DAB1: variants seen among roughly 807,000 people sequenced by gnomAD.
DAB1 encodes DAB adaptor protein 1.
In DAB1, 15 loss-of-function variants were observed where a neutral mutation model predicts 64.6. The observed-to-expected ratio is 0.23, with a 90% CI of 0.16 to 0.36. The LOEUF is 0.36. Ranked by LOEUF, DAB1 falls within the 10% of genes least tolerant of loss-of-function variation. The pLI is 1.00. For missense variants in DAB1, 596 were observed against 706.7 expected, an observed-to-expected ratio of 0.84 and a Z score of 1.78; for synonymous variants, 235 against 251.9, an observed-to-expected ratio of 0.93 and a Z score of 0.64.
At chr1:58,053,705 T>C (rs1170007073) in intron 5 of DAB1, among the ~76,000 whole-genome samples, 1 of 152,206 alleles carries the variant, frequency 6.6e-6, no homozygotes, top group Non-Finnish European at 1.5e-5. Flanking sequence ...TATATGAAAG[T>C]AGGTGCCACA....
intron 3 of DAB1, among the ~76,000 whole-genome samples, chr1:58,426,329 G>A (rs1013302935): frequency 6.6e-5 from 10 of 152,084 alleles, no homozygotes; most frequent in Non-Finnish European, 1.2e-4. Context: ...GGGACTTCAG[G>A]AAACAGGAAG....
In DAB1 at chr1:57,334,450, T is replaced by C. The variant is rs370339815; in HGVS notation, c.-136-43284A>G. On this transcript the variant is annotated intron_variant, in intron 1 of 14. Coordinates refer to ENST00000371236, the MANE Select transcript of DAB1 (RefSeq NM_001365792.1). Reference sequence around the variant, plus strand: ...CTCCCCTCACAAGTGGCAGTGAGGATTCCTGATATAACGTCTTACAGGCAG... The same window carrying C: ...CTCCCCTCACAAGTGGCAGTGAGGACTCCTGATATAACGTCTTACAGGCAG... Among the ~76,000 whole-genome samples the C allele has an allele frequency of 1.8e-3, 276 of 152,336 alleles. 2 individuals carry two copies. Among genetic ancestry groups the C allele is most frequent in the African/African-American group, 6.3e-3 (261 of 41,574 alleles).
chr1:57,998,942 A>G (rs2100398028), intron 5 of DAB1, among the ~76,000 whole-genome samples: 1 of 152,276 alleles, frequency 6.6e-6, no homozygotes, highest in African/African-American at 2.4e-5. Context: ...CTGGCTCTCC[A>G]TTTATCTTCC....
At chr1:58,541,293 CAAAAAAAAAAAAAAAAAAAAAA>C (rs71043292) in intron 1 of DAB1, among the ~76,000 whole-genome samples, 1,030 of 27,548 alleles carry the variant, frequency 0.037, 18 homozygotes, top group African/African-American at 0.1. Context: ...GACTCTGTCT[CAAAAAAAAAAAAAAAAAAAAAA>C]AAAAAAAAAA....
At chr1:57,846,274 A>G (rs1653278394) in intron 1 of DAB1, among the ~76,000 whole-genome samples, 1 of 152,088 alleles carries the variant, frequency 6.6e-6, no homozygotes, top group Admixed American at 6.5e-5. Flanking sequence ...CCTGGCTAAC[A>G]TGGTGAAACC....
chr1:57,293,873 T>C (rs833626), intron 1 of DAB1, among the ~76,000 whole-genome samples: 80,219 of 152,000 alleles, frequency 0.53, 21,985 homozygotes, highest in Admixed American at 0.65. Context: ...TCTTCAAAGA[T>C]GTTTGTTCAA....
chr1:57,583,318 G>A (rs895364308), intron 7 of DAB1, among the ~76,000 whole-genome samples: 13 of 135,394 alleles, frequency 9.6e-5, no homozygotes, highest in South Asian at 2.3e-4. Context: ...ATGGAATCTC[G>A]CCCTGTAGCC....
intron 2 of DAB1, among the ~76,000 whole-genome samples, chr1:57,216,857 C>T (rs1488130208): frequency 1.3e-5 from 2 of 152,228 alleles, no homozygotes; most frequent in African/African-American, 4.8e-5. Context: ...TGACGTAAGG[C>T]AGGACTGGGA....
chr1:57,241,884 A>T (rs1223954495), intron 2 of DAB1, among the ~76,000 whole-genome samples: 1 of 152,154 alleles, frequency 6.6e-6, no homozygotes, highest in African/African-American at 2.4e-5. Flanking sequence ...TTGCATTCTA[A>T]TGCCAGCTAA....
intron 1 of DAB1, among the ~76,000 whole-genome samples, chr1:57,295,632 C>A (rs1392037151): frequency 6.6e-6 from 1 of 152,090 alleles, no homozygotes; most frequent in African/African-American, 2.4e-5. Flanking sequence ...CAATCTATAG[C>A]ATGCTACCTT....
chr1:58,249,897 T>C (rs1660724084), intron 4 of DAB1, among the ~76,000 whole-genome samples: 1 of 152,066 alleles, frequency 6.6e-6, no homozygotes. Context: ...ACCCAAAACT[T>C]TGCGCACACT....
intron 7 of DAB1, among the ~76,000 whole-genome samples, chr1:57,512,024 A>T (rs1644411952): frequency 6.6e-6 from 1 of 152,134 alleles, no homozygotes; most frequent in Non-Finnish European, 1.5e-5. Context: ...ACCATATACA[A>T]CCACACTAGG....
intron 5 of DAB1, among the ~76,000 whole-genome samples, chr1:58,143,143 G>A (rs1270994471): frequency 2.0e-5 from 3 of 152,040 alleles, no homozygotes; most frequent in African/African-American, 7.2e-5. Context: ...TTTAAGGGTA[G>A]GAACAGGGAA....
chr1:57,111,350 T>C (rs1655637203), intron 4 of DAB1, among the ~76,000 whole-genome samples: 2 of 152,202 alleles, frequency 1.3e-5, no homozygotes, highest in Non-Finnish European at 2.9e-5. Context: ...TACTTCTATG[T>C]ACTACTGTTC....
At chr1:57,875,047 C>T (rs934907146) in intron 1 of DAB1, 2 of 152,184 alleles carry the variant, frequency 1.3e-5, no homozygotes, top group Non-Finnish European at 2.9e-5. Flanking sequence ...AGGAAAGTGT[C>T]CAGAGAGGGC....
At chr1:57,810,188 GA>G (rs138804911) in intron 6 of DAB1, among the ~76,000 whole-genome samples, 1,585 of 152,210 alleles carry the variant, frequency 0.01, 33 homozygotes, top group African/African-American at 0.037. Context: ...TCTGCTCAGG[GA>G]TTTTTCTAAC....
chr1:57,988,505 T>G (rs1646276757), intron 5 of DAB1, among the ~76,000 whole-genome samples: 1 of 152,210 alleles, frequency 6.6e-6, no homozygotes, highest in Non-Finnish European at 1.5e-5. Flanking sequence ...TTCCCTCCCC[T>G]TGGGAGAAGA....
intron 6 of DAB1, among the ~76,000 whole-genome samples, chr1:57,707,153 C>T (rs963089650): frequency 1.3e-5 from 2 of 152,100 alleles, no homozygotes; most frequent in African/African-American, 4.8e-5. Context: ...TCACGCCCTC[C>T]TACCCCCAAC....
At chr1:58,050,038 T>C (rs943433012) in intron 5 of DAB1, among the ~76,000 whole-genome samples, 1 of 151,990 alleles carries the variant, frequency 6.6e-6, no homozygotes, top group Non-Finnish European at 1.5e-5. Flanking sequence ...TAACAATGAG[T>C]AGAGATCATC....
Sources: gnomAD v4.1 joint callset for allele counts (sites outside exome capture counted in the v4.1 genomes callset) on GRCh38, gnomAD v4.1.1 for gene constraint, MANE v1.5 for transcripts, NCBI Gene and HGNC (gene_info 2026-07-23, HGNC 2026-07-21) for gene names.